The following BMPR1B variants were observed in gnomAD, a reference collection of about 807,000 sequenced individuals.
The protein encoded by BMPR1B is bone morphogenetic protein receptor type-1B.
BMPR1B carries 12 observed loss-of-function variants against 59.1 expected under a neutral mutation model. The ratio of observed to expected loss-of-function variants is 0.20; its 90% CI spans 0.13 to 0.33. The LOEUF is 0.33. Ranked by LOEUF, BMPR1B falls within the 10% of genes least tolerant of loss-of-function variation. BMPR1B has a pLI of 1.00. For synonymous variants in BMPR1B, 237 were observed against 207.3 expected, an observed-to-expected ratio of 1.14 and a Z score of -1.23; for missense variants, 550 against 610.9, an observed-to-expected ratio of 0.90 and a Z score of 1.05.
At chr4:94,905,286 A>C (rs925707587) in intron 2 of BMPR1B, among the ~76,000 whole-genome samples, 3 of 152,110 alleles carry the variant, frequency 2.0e-5, no homozygotes, top group Admixed American at 6.6e-5. Context: ...CAGGCATAGC[A>C]AATATCCCAA....
chr4:95,102,606 C>G (rs1730901417), intron 3 of BMPR1B, among the ~76,000 whole-genome samples: 2 of 152,056 alleles, frequency 1.3e-5, no homozygotes, highest in African/African-American at 4.8e-5. Flanking sequence ...AAGGAGCTTA[C>G]CATGACAGGG....
chr4:94,900,598 C>CCT (rs1290503479), intron 2 of BMPR1B, among the ~76,000 whole-genome samples: 1 of 151,832 alleles, frequency 6.6e-6, no homozygotes, highest in Non-Finnish European at 1.5e-5. Context: ...AAGTCCTAAA[C>CCT]CTGATTATTT....
At chr4:94,871,213 T>G (rs73836156) in intron 1 of BMPR1B, among the ~76,000 whole-genome samples, 4,254 of 152,266 alleles carry the variant, frequency 0.028, 196 homozygotes, top group African/African-American at 0.097. Flanking sequence ...CCTGTTTCTT[T>G]GCTGCTCTGC....
chr4:95,145,965 G>A (rs185053671), intron 10 of BMPR1B, among the ~76,000 whole-genome samples: 56 of 152,262 alleles, frequency 3.7e-4, no homozygotes, highest in Non-Finnish European at 1.6e-4. Context: ...AAAGTTTAGT[G>A]TAAACAAACC....
chr4:95,113,196 A>C (rs1731757538), intron 4 of BMPR1B, among the ~76,000 whole-genome samples: 1 of 152,158 alleles, frequency 6.6e-6, no homozygotes, highest in Non-Finnish European at 1.5e-5. Context: ...AATTGGTTAA[A>C]AAGGCCTGAA....
At chr4:94,880,472 C>G (rs1429617012) in intron 2 of BMPR1B, among the ~76,000 whole-genome samples, 1 of 151,958 alleles carries the variant, frequency 6.6e-6, no homozygotes, top group Non-Finnish European at 1.5e-5. Context: ...CAAGCACACA[C>G]CACCACCTTG....
At chr4:94,836,894 C>A (rs1724840140) in intron 1 of BMPR1B, among the ~76,000 whole-genome samples, 1 of 150,018 alleles carries the variant, frequency 6.7e-6, no homozygotes, top group Admixed American at 6.6e-5. Context: ...GGTTTTAGGT[C>A]TGACGTTTAA....
At position 95,156,685 on chromosome 4, in the gene BMPR1B, A is replaced by C. The variant is rs1735446821; in HGVS notation, c.*2012A>C. On this transcript the variant is annotated 3_prime_UTR_variant, in exon 13 of 13. Coordinates refer to ENST00000515059, the MANE Select transcript of BMPR1B (RefSeq NM_001203.3). ...AAAAAAATTGTGTTTTTAAAGAGTG[A>C]AAACAGTTAGAAAACAAGTAGAACT... The C allele has an allele frequency of 6.6e-6, 1 of 152,188 alleles. No individual in the cohort carries two copies. Among genetic ancestry groups the C allele is most frequent in the Admixed American group, 6.5e-5 (1 of 15,278 alleles). 9.4% of individuals were successfully genotyped at this position (152,188 alleles called of 1,614,324 possible).
intron 8 of BMPR1B, among the ~76,000 whole-genome samples, chr4:95,126,531 A>G (rs1732917400): frequency 6.6e-6 from 1 of 152,184 alleles, no homozygotes; most frequent in Admixed American, 6.5e-5. Context: ...TATCAGTATA[A>G]CCCTGTATTA....
At position 95,024,868 on chromosome 4, in the gene BMPR1B, C is replaced by T. The variant is rs183164092; in HGVS notation, c.-18+28734C>T. On this transcript the variant is annotated intron_variant, in intron 3 of 12. Coordinates refer to ENST00000515059, the MANE Select transcript of BMPR1B (RefSeq NM_001203.3). ...CTGTAATCCCAGCACTTTGGGAGGCCGAGGCGGGCAGATCATGAGATCAAG... is the reference window on the plus strand; with the variant it reads ...CTGTAATCCCAGCACTTTGGGAGGCTGAGGCGGGCAGATCATGAGATCAAG... 5.1e-4 allele frequency among the ~76,000 whole-genome samples: 78 copies of T among 152,138 alleles called. No homozygotes were observed. In the Middle Eastern group the frequency reaches 0.027, roughly 53 times the overall value.
intron 3 of BMPR1B, among the ~76,000 whole-genome samples, chr4:95,039,299 G>C (rs1725479390): frequency 6.6e-6 from 1 of 152,066 alleles, no homozygotes; most frequent in Non-Finnish European, 1.5e-5. Flanking sequence ...CTCTAGACAA[G>C]GCAGAGAATG....
At chr4:95,148,986 A>T in intron 11 of BMPR1B, 63 bp downstream of exon 11, 1 of 1,587,462 alleles carries the variant, frequency 6.3e-7, no homozygotes, top group Non-Finnish European at 8.6e-7. Flanking sequence ...TTTCTTTCTG[A>T]TCAGAAATCA....
chr4:95,158,186 T>C lies in BMPR1B; in HGVS notation c.*3513T>C, dbSNP rs1458854586. 1 of 152,190 alleles carries C rather than the reference T, an allele frequency of 6.6e-6. No individual in the cohort carries two copies. The highest frequency in any genetic ancestry group is 1.5e-5 in the Non-Finnish European group (1 of 68,038). The allele number at this position is 152,190 out of a possible 1,614,324, so 9.4% of individuals were successfully genotyped here. On this transcript the variant is annotated 3_prime_UTR_variant, in exon 13 of 13. Transcript: ENST00000515059. The stretch of plus-strand genomic sequence containing the variant: ...CATCAGAAGTGACTTAATTTAGCAA[T>C]TGTGATTCCTCTTGTAAAACAAAAC...
intron 3 of BMPR1B, among the ~76,000 whole-genome samples, chr4:95,089,759 T>G (rs1729844059): frequency 6.6e-6 from 1 of 152,074 alleles, no homozygotes; most frequent in Non-Finnish European, 1.5e-5. Flanking sequence ...AGATTGTCCT[T>G]TGGCAGTCTT....
At chr4:94,884,636 G>A (rs116409508) in intron 2 of BMPR1B, among the ~76,000 whole-genome samples, 2,487 of 152,190 alleles carry the variant, frequency 0.016, 45 homozygotes, top group East Asian at 0.082. Flanking sequence ...ACCTTATTTA[G>A]GTGTTAATAA....
At chr4:94,762,137 C>G (rs879788570) in intron 1 of BMPR1B, among the ~76,000 whole-genome samples, 2 of 152,158 alleles carry the variant, frequency 1.3e-5, no homozygotes, top group Non-Finnish European at 2.9e-5. Flanking sequence ...AGGACATCCA[C>G]TTACATGCCA....
chr4:94,824,990 A>G (rs1173869716), intron 1 of BMPR1B, among the ~76,000 whole-genome samples: 2 of 152,226 alleles, frequency 1.3e-5, no homozygotes, highest in Non-Finnish European at 2.9e-5. Context: ...AAATTTCAAT[A>G]CAAGCTTACT....
At chr4:94,779,854 G>A (rs1373599568) in intron 1 of BMPR1B, among the ~76,000 whole-genome samples, 1 of 151,552 alleles carries the variant, frequency 6.6e-6, no homozygotes, top group African/African-American at 2.4e-5. Context: ...AAAAAAAAAA[G>A]GATGTTCTCT....
chr4:95,004,440 T>A (rs1349546186), intron 3 of BMPR1B, among the ~76,000 whole-genome samples: 1 of 152,210 alleles, frequency 6.6e-6, no homozygotes, highest in Non-Finnish European at 1.5e-5. Context: ...TTATTTGTAA[T>A]ATTATGCATC....
Sources: gnomAD v4.1 joint callset for allele counts (sites outside exome capture counted in the v4.1 genomes callset) on GRCh38, gnomAD v4.1.1 for gene constraint, MANE v1.5 for transcripts, NCBI Gene and HGNC (gene_info 2026-07-23, HGNC 2026-07-21) for gene names.